Variants in STK33 observed in about 807,000 individuals in gnomAD.
STK33 encodes serine/threonine kinase 33.
Under a neutral mutation model 58.0 loss-of-function variants are expected in STK33, and 52 were observed. That is an observed-to-expected ratio of 0.90 (90% CI 0.72 to 1.13). STK33 has a LOEUF of 1.13. Ranked by LOEUF, STK33 falls within the 50% of genes most tolerant of loss-of-function variation. STK33 has a pLI of 0.00. For synonymous variants in STK33, 215 were observed against 200.1 expected, an observed-to-expected ratio of 1.07 and a Z score of -0.63; for missense variants, 630 against 604.2, an observed-to-expected ratio of 1.04 and a Z score of -0.45.
At chr11:8,338,845 A>G in the STK33 span, among the ~76,000 whole-genome samples, 1 of 152,168 alleles carries the variant, frequency 6.6e-6, no homozygotes, top group South Asian at 2.1e-4. Flanking sequence ...GAGGGCCAGG[A>G]CAATCTCTGA....
chr11:8,356,724 G>A, the STK33 span, among the ~76,000 whole-genome samples: 61 of 152,268 alleles, frequency 4.0e-4, no homozygotes, highest in African/African-American at 1.3e-3. Context: ...CTGAGGAGCC[G>A]GAAGACCCTC....
At chr11:8,552,185 G>A (rs12286332) in intron 1 of STK33, among the ~76,000 whole-genome samples, 297 of 152,340 alleles carry the variant, frequency 1.9e-3, no homozygotes, top group African/African-American at 7.0e-3. Flanking sequence ...CTCTGTGAGT[G>A]GCATTATGCC....
Position 8,542,776 on chromosome 11 carries a change from G to A in STK33, c.-466+51307C>T, listed in dbSNP as rs531113988. Among the ~76,000 whole-genome samples, 34 of 152,180 alleles carry A rather than the reference G, an allele frequency of 2.2e-4. No individual in the cohort carries two copies. In the South Asian group the frequency reaches 2.9e-3, roughly 13 times the overall value. On this transcript the variant is annotated intron_variant, in intron 1 of 15. Transcript: ENST00000687296. ...CACCCAGGCTGGAGTGCAGTGGCAC[G>A]ATCTCGGCTGCAACCTCTGCCTCCC...
the STK33 span, among the ~76,000 whole-genome samples, chr11:8,366,977 CAT>C: frequency 4.4e-3 from 674 of 152,284 alleles, 7 homozygotes; most frequent in African/African-American, 0.014. Flanking sequence ...TGAGCACACA[CAT>C]GTGTGCAAGT....
intron 1 of STK33, among the ~76,000 whole-genome samples, chr11:8,516,540 T>A (rs1256538379): frequency 6.6e-6 from 1 of 152,178 alleles, no homozygotes; most frequent in African/African-American, 2.4e-5. Context: ...GGGCATCACC[T>A]CACCCGGGAA....
At chr11:8,545,773 G>T (rs1955861409) in intron 1 of STK33, among the ~76,000 whole-genome samples, 1 of 152,126 alleles carries the variant, frequency 6.6e-6, no homozygotes, top group African/African-American at 2.4e-5. Flanking sequence ...ACAATCCTGA[G>T]CAAAAAGAAC....
intron 7 of STK33, among the ~76,000 whole-genome samples, chr11:8,462,438 T>C (rs28422999): frequency 9.0e-6 from 1 of 110,792 alleles, no homozygotes. Flanking sequence ...CATATATACA[T>C]ATATACACAC....
At chr11:8,471,602 T>C (rs1022500911) in intron 6 of STK33, among the ~76,000 whole-genome samples, 1 of 152,186 alleles carries the variant, frequency 6.6e-6, no homozygotes, top group Admixed American at 6.5e-5. Flanking sequence ...TTTCCTTCTT[T>C]ATACTCTTCT....
At chr11:8,434,306 AT>A (rs1268642198) in intron 14 of STK33, 1 of 186,428 alleles carries the variant, frequency 5.4e-6, no homozygotes, top group African/African-American at 2.4e-5. Flanking sequence ...AAATGTAATT[AT>A]ATCATGTATC....
chr11:8,539,028 T>A (rs1955285169), intron 1 of STK33, among the ~76,000 whole-genome samples: 1 of 152,150 alleles, frequency 6.6e-6, no homozygotes. Context: ...TTTGTACATT[T>A]AAGATTTGTC....
chr11:8,499,084 G>A (rs1218495352), intron 1 of STK33, among the ~76,000 whole-genome samples: 1 of 152,264 alleles, frequency 6.6e-6, no homozygotes, highest in South Asian at 2.1e-4. Flanking sequence ...TGACAAATGG[G>A]ATCTAATTAA....
chr11:8,402,114 T>G (rs10840035), intron 15 of STK33, among the ~76,000 whole-genome samples: 54,348 of 149,598 alleles, frequency 0.36, 11,558 homozygotes, highest in Non-Finnish European at 0.47. Flanking sequence ...TCCCATTACT[T>G]GGTATATACC....
At chr11:8,348,339 C>T in the STK33 span, among the ~76,000 whole-genome samples, 1 of 152,186 alleles carries the variant, frequency 6.6e-6, no homozygotes, top group African/African-American at 2.4e-5. Context: ...AGGAGACTTA[C>T]AATCTTGGCG....
chr11:8,350,769 G>A, the STK33 span, among the ~76,000 whole-genome samples: 1 of 152,172 alleles, frequency 6.6e-6, no homozygotes, highest in Non-Finnish European at 1.5e-5. Context: ...GTGCCTGCAG[G>A]CAGAGAGGGG....
intron 1 of STK33, among the ~76,000 whole-genome samples, chr11:8,545,886 G>A (rs1392342636): frequency 6.6e-6 from 1 of 152,204 alleles, no homozygotes; most frequent in Non-Finnish European, 1.5e-5. Context: ...TTATCATTGT[G>A]CAAACATCAT....
intron 1 of STK33, among the ~76,000 whole-genome samples, chr11:8,495,842 A>G (rs757914612): frequency 6.6e-6 from 1 of 152,034 alleles, no homozygotes; most frequent in Non-Finnish European, 1.5e-5. Flanking sequence ...GCAAACTATC[A>G]TAAGGACAGA....
intron 1 of STK33, among the ~76,000 whole-genome samples, chr11:8,518,447 T>C (rs1452361630): frequency 6.6e-6 from 1 of 152,094 alleles, no homozygotes; most frequent in East Asian, 1.9e-4. Flanking sequence ...ACAAGCAAAA[T>C]AACCAGCTAA....
chr11:8,536,972 A>AGTTT (rs1565305538), intron 1 of STK33, among the ~76,000 whole-genome samples: 7 of 65,724 alleles, frequency 1.1e-4, no homozygotes, highest in Admixed American at 2.9e-4. Context: ...AAAAAAAAAG[A>AGTTT]TTTTTTTTTT....
At chr11:8,376,708 G>T in the STK33 span, among the ~76,000 whole-genome samples, 3 of 151,786 alleles carry the variant, frequency 2.0e-5, no homozygotes, top group African/African-American at 7.3e-5. Flanking sequence ...TGCCTGGCCA[G>T]TTTTTTGTAT....
Sources: gnomAD v4.1 joint callset for allele counts (sites outside exome capture counted in the v4.1 genomes callset) on GRCh38, gnomAD v4.1.1 for gene constraint, MANE v1.5 for transcripts, NCBI Gene and HGNC (gene_info 2026-07-23, HGNC 2026-07-21) for gene names.